Variants in RPS6KC1 observed in about 807,000 individuals in gnomAD.
The protein encoded by RPS6KC1 is inactive ribosomal protein S6 kinase delta-1.
Under a neutral mutation model 103.8 loss-of-function variants are expected in RPS6KC1, and 54 were observed. That is an observed-to-expected ratio of 0.52 (90% CI 0.42 to 0.65). The LOEUF (loss-of-function observed/expected upper bound fraction) is 0.65, where lower values mean the gene tolerates loss of function less well. RPS6KC1 is among the 30% of genes least tolerant of loss of function. RPS6KC1 has a pLI of 0.00. For missense variants in RPS6KC1, 1,151 were observed against 1,253.8 expected (o/e 0.92, Z 1.24); for synonymous variants, 439 against 438.7 (o/e 1.00, Z -0.01).
At chr1:213,117,178 A>G (rs1475181331) in intron 4 of RPS6KC1, 139 bp from the exon 5 acceptor site, 1 of 518,262 alleles carries the variant, frequency 1.9e-6, no homozygotes, top group Non-Finnish European at 3.4e-6. Context: ...TTTTTTGAAA[A>G]CACTTGTCAT....
the RPS6KC1 span, among the ~76,000 whole-genome samples, chr1:213,341,428 A>G: frequency 5.3e-5 from 8 of 152,222 alleles, no homozygotes; most frequent in African/African-American, 1.9e-4. Flanking sequence ...TTTGGACTCC[A>G]GGAGCACTTC....
chr1:213,272,699 G>A lies in RPS6KC1; in HGVS notation c.*65G>A, dbSNP rs2149195638. Reference sequence around the variant, plus strand: ...TGTGACAGGCATCTCCAGCACTGAGGCACCTCTGACTCACAGTTACTTATG... The same window carrying A: ...TGTGACAGGCATCTCCAGCACTGAGACACCTCTGACTCACAGTTACTTATG... On this transcript the variant is annotated 3_prime_UTR_variant, in exon 15 of 15. Coordinates refer to ENST00000366960, the MANE Select transcript of RPS6KC1 (RefSeq NM_012424.6). The A allele has an allele frequency of 8.4e-7, 1 of 1,194,990 alleles. No individual in the cohort carries two copies. Among genetic ancestry groups the A allele is most frequent in the South Asian group, 1.2e-5 (1 of 80,464 alleles). 74.0% of individuals were successfully genotyped at this position (1,194,990 alleles called of 1,614,324 possible). A position where few individuals can be genotyped will look rare whatever the true frequency, so the allele number is the denominator to read the frequency against.
intron 10 of RPS6KC1, among the ~76,000 whole-genome samples, chr1:213,236,363 A>G (rs1422617896): frequency 6.6e-6 from 1 of 152,210 alleles, no homozygotes; most frequent in Non-Finnish European, 1.5e-5. Context: ...TTTTTGGCTC[A>G]AATTGAAATA....
the RPS6KC1 span, among the ~76,000 whole-genome samples, chr1:213,601,314 T>A: frequency 1.3e-5 from 2 of 148,314 alleles, no homozygotes; most frequent in African/African-American, 4.9e-5. Context: ...TATTTACTCC[T>A]ATTATACATT....
the RPS6KC1 span, among the ~76,000 whole-genome samples, chr1:213,400,953 C>T: frequency 1.1e-4 from 16 of 152,060 alleles, no homozygotes; most frequent in African/African-American, 2.7e-4. Flanking sequence ...GTGATCTACC[C>T]GCCTTGGCCT....
At chr1:213,723,936 TG>T in the RPS6KC1 span, among the ~76,000 whole-genome samples, 1 of 66,066 alleles carries the variant, frequency 1.5e-5, no homozygotes. Context: ...TGGGGGTGGT[TG>T]GGGGGTTGGG....
chr1:213,486,699 C>G, the RPS6KC1 span, among the ~76,000 whole-genome samples: 3 of 152,150 alleles, frequency 2.0e-5, no homozygotes, highest in Non-Finnish European at 2.9e-5. Flanking sequence ...GAGCTGGAGC[C>G]ATAGACTCCT....
downstream of RPS6KC1, among the ~76,000 whole-genome samples, chr1:213,275,061 C>T (rs1573770223): frequency 6.6e-6 from 1 of 152,170 alleles, no homozygotes. Context: ...CAGAATCATA[C>T]AATATTTGTT....
At chr1:213,348,597 C>G in the RPS6KC1 span, among the ~76,000 whole-genome samples, 1 of 152,054 alleles carries the variant, frequency 6.6e-6, no homozygotes, top group South Asian at 2.1e-4. Flanking sequence ...TTAACCCATC[C>G]CAAACTCACC....
chr1:213,679,237 GT>G, the RPS6KC1 span, among the ~76,000 whole-genome samples: 3 of 152,180 alleles, frequency 2.0e-5, no homozygotes, highest in Admixed American at 6.5e-5. Context: ...GAACTTCTGG[GT>G]TTCAACATCC....
chr1:213,236,678 C>G (rs1465861786), intron 10 of RPS6KC1, among the ~76,000 whole-genome samples: 2 of 152,032 alleles, frequency 1.3e-5, no homozygotes, highest in Non-Finnish European at 2.9e-5. Flanking sequence ...GATGAATTAG[C>G]AAAATACTTG....
rs1169528279 is a variant in RPS6KC1, at chr1:213,241,499, G to T, written c.2023G>T (p.Asp675Tyr). The change falls in exon 11 of 15, where the codon GAT (aspartate) becomes TAT (tyrosine). Residue 675 changes from aspartate to tyrosine, a missense_variant. By Grantham distance (160) the Asp-to-Tyr change is radical. Transcript: ENST00000366960. ...CTCAGTGCCAGTTATTTCATTTAAA[G>T]ATGCTGCTTTTGATGATGTCAGTGG... ...DDSVPVISFK[D>Y]AAFDDVSGTD... 6.2e-7 allele frequency: 1 copy of T among 1,613,994 alleles called. No individual in the cohort carries two copies. Among genetic ancestry groups the T allele is most frequent in the Non-Finnish European group, 8.5e-7 (1 of 1,179,934 alleles).
At chr1:213,059,106 G>A (rs933093097) in intron 1 of RPS6KC1, among the ~76,000 whole-genome samples, 2 of 152,036 alleles carry the variant, frequency 1.3e-5, no homozygotes, top group East Asian at 1.9e-4. Flanking sequence ...TTTATATCAC[G>A]TGACTTTTTT....
chr1:213,801,250 A>G, the RPS6KC1 span, among the ~76,000 whole-genome samples: 1 of 152,238 alleles, frequency 6.6e-6, no homozygotes, highest in Non-Finnish European at 1.5e-5. Flanking sequence ...CAAGGAGAAA[A>G]AAAAGCAGCC....
At chr1:213,382,500 G>T in the RPS6KC1 span, among the ~76,000 whole-genome samples, 1 of 151,782 alleles carries the variant, frequency 6.6e-6, no homozygotes, top group Admixed American at 6.6e-5. Flanking sequence ...GGGATGTAGG[G>T]GGTTCCATTT....
chr1:213,854,514 TTCTTTC>T, the RPS6KC1 span, among the ~76,000 whole-genome samples: 15 of 65,670 alleles, frequency 2.3e-4, no homozygotes, highest in Admixed American at 2.3e-3. Flanking sequence ...TTCTTTCTCT[TTCTTTC>T]TTTCTTTCTT....
the RPS6KC1 span, among the ~76,000 whole-genome samples, chr1:213,382,823 T>C: frequency 1.3e-5 from 2 of 152,212 alleles, no homozygotes; most frequent in African/African-American, 4.8e-5. Flanking sequence ...CCTTTCGGTA[T>C]CCCTAAGTGC....
Position 213,230,532 on chromosome 1 carries a change from T to G in RPS6KC1, c.1080T>G (p.Thr360=), listed in dbSNP as rs2094069965. ...LLVMDTRTEQ[T]FILKGLRKSS... is the part of the protein sequence containing the mutation. ...TAATGGACACAAGGACAGAACAGAC[T>G]TTCATTTTAAAAGTAAGTAAAATTT... The change falls in exon 9 of 15, where the codon ACT becomes ACG. Residue 360 remains threonine, a synonymous_variant. Transcript: ENST00000366960. 6.2e-7 allele frequency: 1 copy of G among 1,605,248 alleles called. No homozygotes were observed. The highest frequency in any genetic ancestry group is 1.1e-5 in the South Asian group (1 of 90,080).
chr1:213,155,443 TGATTCCCCTC>T (rs1415700400), intron 6 of RPS6KC1, among the ~76,000 whole-genome samples: 1 of 152,178 alleles, frequency 6.6e-6, no homozygotes, highest in Non-Finnish European at 1.5e-5. Flanking sequence ...CTAGGATCAG[TGATTCCCCTC>T]TGGCTAGAGT....
Sources: gnomAD v4.1 joint callset for allele counts (sites outside exome capture counted in the v4.1 genomes callset) on GRCh38, gnomAD v4.1.1 for gene constraint, MANE v1.5 for transcripts, NCBI Gene and HGNC (gene_info 2026-07-23, HGNC 2026-07-21) for gene names.